HOMER1: variants seen among roughly 807,000 people sequenced by gnomAD.
The protein encoded by HOMER1 is homer protein homolog 1.
HOMER1 carries 3 observed loss-of-function variants against 48.9 expected under a neutral mutation model. The ratio of observed to expected loss-of-function variants is 0.06; its 90% CI spans 0.03 to 0.16. The LOEUF (loss-of-function observed/expected upper bound fraction) is 0.16, where lower values mean the gene tolerates loss of function less well. Ranked by LOEUF, HOMER1 falls within the 10% of genes least tolerant of loss-of-function variation. The pLI is 1.00. For missense variants in HOMER1, 247 were observed against 411.4 expected (o/e 0.60, Z 3.46); for synonymous variants, 134 against 146.4 (o/e 0.92, Z 0.61).
intron 1 of HOMER1, among the ~76,000 whole-genome samples, chr5:79,471,753 C>G (rs1446761707): frequency 2.0e-5 from 3 of 152,102 alleles, no homozygotes; most frequent in African/African-American, 7.2e-5. Flanking sequence ...CCCCTCCTCC[C>G]TGTCTTAACT....
intron 1 of HOMER1, chr5:79,510,313 C>T (rs143860773): frequency 9.7e-6 from 4 of 411,158 alleles, no homozygotes; most frequent in Non-Finnish European, 9.1e-6. Flanking sequence ...TGCTAAGTGT[C>T]TAAATGCATG....
At chr5:79,437,736 T>C (rs984716426) in intron 5 of HOMER1, among the ~76,000 whole-genome samples, 6 of 152,196 alleles carry the variant, frequency 3.9e-5, no homozygotes, top group African/African-American at 1.4e-4. Flanking sequence ...CACTGCAGCC[T>C]TGGATTCCCA....
intron 8 of HOMER1, among the ~76,000 whole-genome samples, chr5:79,394,287 A>G (rs905416673): frequency 6.6e-6 from 1 of 152,182 alleles, no homozygotes; most frequent in Non-Finnish European, 1.5e-5. Flanking sequence ...TACTGAACTT[A>G]TGAATGGAGT....
chr5:79,506,968 CT>C (rs752352072), intron 1 of HOMER1, among the ~76,000 whole-genome samples: 36 of 152,118 alleles, frequency 2.4e-4, no homozygotes, highest in Non-Finnish European at 2.9e-4. Flanking sequence ...AATCCCAGCA[CT>C]TTGGGAGGCC....
chr5:79,431,575 G>A (rs948552687), intron 5 of HOMER1, among the ~76,000 whole-genome samples: 2 of 152,030 alleles, frequency 1.3e-5, no homozygotes, highest in African/African-American at 2.4e-5. Context: ...ACAACTCTGT[G>A]AATATACTAA....
intron 5 of HOMER1, among the ~76,000 whole-genome samples, chr5:79,416,118 TTAAA>T (rs1749936828): frequency 6.6e-6 from 1 of 152,178 alleles, no homozygotes; most frequent in Non-Finnish European, 1.5e-5. Context: ...AGATTTAACA[TTAAA>T]TATTTTAAAG....
At chr5:79,488,963 C>T (rs1005071798) in intron 1 of HOMER1, among the ~76,000 whole-genome samples, 19 of 152,186 alleles carry the variant, frequency 1.2e-4, no homozygotes, top group Non-Finnish European at 2.8e-4. Context: ...TGTGGTTTCA[C>T]ATTGTTACCA....
chr5:79,396,767 T>G, intron 8 of HOMER1, 56 bp downstream of exon 8: 9 of 1,027,724 alleles, frequency 8.8e-6, no homozygotes, highest in Non-Finnish European at 1.3e-5. Context: ...CAGTGCTATG[T>G]GAAAAAATGA....
rs1753002527 is a variant in HOMER1, at chr5:79,513,535, G to C, written c.-761C>G. 6.6e-6 allele frequency: 1 copy of C among 152,564 alleles called. No individual in the cohort carries two copies. The highest frequency in any genetic ancestry group is 1.5e-5 in the Non-Finnish European group (1 of 68,372). 9.5% of individuals were successfully genotyped at this position (152,564 alleles called of 1,614,324 possible). Reference sequence around the variant, plus strand: ...GCAGCAGGCTGGGGGCGCAGCGCACGCCGGAGAGCTGGAGGAGGGGACCCG... The same window carrying C: ...GCAGCAGGCTGGGGGCGCAGCGCACCCCGGAGAGCTGGAGGAGGGGACCCG... On this transcript the variant is annotated 5_prime_UTR_variant, in exon 1 of 9. Transcript: ENST00000334082.
At chr5:79,443,815 T>C (rs896735638) in intron 4 of HOMER1, among the ~76,000 whole-genome samples, 2 of 152,336 alleles carry the variant, frequency 1.3e-5, no homozygotes, top group African/African-American at 2.4e-5. Flanking sequence ...ACTCCCATTA[T>C]TAACCATGAC....
chr5:79,415,228 AT>A (rs1002499757), intron 5 of HOMER1, among the ~76,000 whole-genome samples: 217 of 142,626 alleles, frequency 1.5e-3, no homozygotes, highest in Middle Eastern at 7.1e-3. Context: ...TATTTTTTGT[AT>A]TTTTTTTTTT....
intron 1 of HOMER1, among the ~76,000 whole-genome samples, chr5:79,485,746 A>G (rs947254656): frequency 1.7e-4 from 26 of 152,214 alleles, no homozygotes; most frequent in Admixed American, 3.9e-4. Context: ...TTAGTTTGCT[A>G]AAGAGTGGGA....
chr5:79,424,123 T>G (rs1750178069), intron 5 of HOMER1, among the ~76,000 whole-genome samples: 2 of 152,080 alleles, frequency 1.3e-5, no homozygotes, highest in South Asian at 4.1e-4. Context: ...AATGACTAAT[T>G]CTGTTATATT....
At chr5:79,441,410 G>A (rs777697181) in intron 4 of HOMER1, among the ~76,000 whole-genome samples, 1 of 152,068 alleles carries the variant, frequency 6.6e-6, no homozygotes, top group Admixed American at 6.6e-5. Context: ...GGAACTTGGG[G>A]AGGCTACAAA....
intron 1 of HOMER1, among the ~76,000 whole-genome samples, chr5:79,482,803 C>G (rs1303385830): frequency 6.6e-6 from 1 of 151,380 alleles, no homozygotes; most frequent in Non-Finnish European, 1.5e-5. Flanking sequence ...CAAGACCAGT[C>G]TGGGCAACAT....
In HOMER1 at chr5:79,456,995, C is replaced by T. The variant is rs775050034; in HGVS notation, c.29G>A (p.Arg10Gln). 10 of 1,613,830 alleles carry T rather than the reference C, an allele frequency of 6.2e-6. No homozygotes were observed. Among genetic ancestry groups the T allele is most frequent in the African/African-American group, 1.3e-5 (1 of 74,866 alleles). The change falls in exon 2 of 9, where the codon CGA becomes CAA. Residue 10 changes from arginine to glutamine, a missense_variant. By Grantham distance (43) the Arg-to-Gln change is conservative (BLOSUM62 1). Transcript: ENST00000334082. ...TGGGTCAATTTGGAAGACATGAGCTCGAGTGCTGAAGATAGGTTGTTCCCT... is the reference window on the plus strand; with the variant it reads ...TGGGTCAATTTGGAAGACATGAGCTTGAGTGCTGAAGATAGGTTGTTCCCT... MGEQPIFSTRAHVFQIDPNT... is the reference protein window; with the variant it reads MGEQPIFSTQAHVFQIDPNT...
At chr5:79,468,697 G>A (rs1199190341) in intron 1 of HOMER1, among the ~76,000 whole-genome samples, 1 of 152,010 alleles carries the variant, frequency 6.6e-6, no homozygotes, top group African/African-American at 2.4e-5. Flanking sequence ...ATGTTTTCTT[G>A]TGCACGCACA....
At chr5:79,460,635 C>T (rs745416798) in intron 1 of HOMER1, among the ~76,000 whole-genome samples, 1 of 152,038 alleles carries the variant, frequency 6.6e-6, no homozygotes. Flanking sequence ...GGATATAGGG[C>T]AGTGGTTCCC....
intron 8 of HOMER1, among the ~76,000 whole-genome samples, chr5:79,384,327 C>T (rs540374806): frequency 2.0e-5 from 3 of 152,140 alleles, no homozygotes; most frequent in East Asian, 3.9e-4. Flanking sequence ...GGAAGCATTA[C>T]GACTCACACT....
Sources: allele counts gnomAD v4.1 joint callset (sites outside exome capture counted in the v4.1 genomes callset), GRCh38; gene constraint gnomAD v4.1.1; transcripts MANE v1.5; gene names NCBI Gene and HGNC (gene_info 2026-07-23, HGNC 2026-07-21).